The following TOX variants were observed in gnomAD, a reference collection of about 807,000 sequenced individuals.
The protein encoded by TOX is thymocyte selection associated high mobility group box, also known as thymocyte selection-associated high mobility group box protein TOX.
TOX carries 11 observed loss-of-function variants against 53.7 expected under a neutral mutation model. The observed-to-expected ratio is 0.20, with a 90% confidence interval of 0.13 to 0.34. TOX has a LOEUF of 0.34. TOX is among the 10% of genes least tolerant of loss of function. The probability of loss-of-function intolerance (pLI) is 1.00; values close to 1 mark genes in which losing one functional copy is unlikely to be tolerated. For synonymous variants in TOX, 225 were observed against 245.3 expected, an observed-to-expected ratio of 0.92 and a Z score of 0.77; for missense variants, 570 against 664.6, an observed-to-expected ratio of 0.86 and a Z score of 1.56.
intron 1 of TOX, among the ~76,000 whole-genome samples, chr8:59,116,402 A>C (rs1805099112): frequency 1.3e-5 from 2 of 152,184 alleles, no homozygotes; most frequent in Admixed American, 1.3e-4. Flanking sequence ...CCTTTTCCAA[A>C]CTTCTGTCCT....
At chr8:58,891,585 C>T (rs1247657591) in intron 3 of TOX, among the ~76,000 whole-genome samples, 2 of 152,076 alleles carry the variant, frequency 1.3e-5, no homozygotes, top group East Asian at 3.9e-4. Flanking sequence ...ACCCGACTGC[C>T]TATGTAGGTA....
chr8:59,053,542 G>C (rs1563431197), intron 1 of TOX, among the ~76,000 whole-genome samples: 1 of 152,136 alleles, frequency 6.6e-6, no homozygotes, highest in South Asian at 2.1e-4. Context: ...CAGAAACGTA[G>C]TCTTTATAAC....
chr8:58,988,435 T>C (rs781297004), intron 1 of TOX, among the ~76,000 whole-genome samples: 2 of 152,156 alleles, frequency 1.3e-5, no homozygotes, highest in Non-Finnish European at 1.5e-5. Context: ...ACATCAACTA[T>C]CTGGCCTGCA....
chr8:58,897,797 T>A (rs895551547), intron 3 of TOX, among the ~76,000 whole-genome samples: 1 of 152,080 alleles, frequency 6.6e-6, no homozygotes, highest in South Asian at 2.1e-4. Flanking sequence ...CTGTTTGCCC[T>A]CTTACCTTGG....
At chr8:58,996,759 T>C (rs1300994054) in intron 1 of TOX, among the ~76,000 whole-genome samples, 13 of 152,200 alleles carry the variant, frequency 8.5e-5, no homozygotes. Context: ...AAACTATTCT[T>C]CATTTAATTA....
At chr8:58,833,991 A>G (rs561014464) in intron 5 of TOX, among the ~76,000 whole-genome samples, 1 of 152,228 alleles carries the variant, frequency 6.6e-6, no homozygotes, top group East Asian at 1.9e-4. Flanking sequence ...CTCACTCACC[A>G]TGGATTCTGA....
intron 3 of TOX, among the ~76,000 whole-genome samples, chr8:58,864,981 A>G (rs1811072049): frequency 6.6e-6 from 1 of 152,056 alleles, no homozygotes; most frequent in East Asian, 1.9e-4. Flanking sequence ...GAGAGCTGGT[A>G]TCAGAAACTT....
intron 1 of TOX, among the ~76,000 whole-genome samples, chr8:59,091,861 T>C (rs1007892408): frequency 6.6e-6 from 1 of 152,188 alleles, no homozygotes. Context: ...TTCATCTAGA[T>C]CAATGGTTTT....
At chr8:59,098,640 A>G (rs1339284702) in intron 1 of TOX, among the ~76,000 whole-genome samples, 2 of 152,146 alleles carry the variant, frequency 1.3e-5, no homozygotes, top group Non-Finnish European at 2.9e-5. Context: ...CCTAATAATG[A>G]TGATAAATCT....
intron 1 of TOX, among the ~76,000 whole-genome samples, chr8:59,101,712 A>T (rs1804809413): frequency 6.6e-6 from 1 of 152,242 alleles, no homozygotes; most frequent in Non-Finnish European, 1.5e-5. Context: ...TCCATTATTT[A>T]CACATGTCCA....
At chr8:59,025,867 A>G (rs112319080) in intron 1 of TOX, among the ~76,000 whole-genome samples, 1,653 of 152,296 alleles carry the variant, frequency 0.011, 38 homozygotes, top group African/African-American at 0.038. Context: ...ATCAAGGACC[A>G]GGACCTTGCC....
At chr8:58,979,133 G>C (rs1357372753) in intron 1 of TOX, among the ~76,000 whole-genome samples, 1 of 152,158 alleles carries the variant, frequency 6.6e-6, no homozygotes, top group Non-Finnish European at 1.5e-5. Context: ...ATATCTGTAA[G>C]TAGATACAGG....
intron 1 of TOX, among the ~76,000 whole-genome samples, chr8:59,081,081 C>T (rs1804397728): frequency 6.6e-6 from 1 of 152,116 alleles, no homozygotes; most frequent in Non-Finnish European, 1.5e-5. Flanking sequence ...GGCTGGAGTG[C>T]AGTGGTGCTA....
intron 3 of TOX, among the ~76,000 whole-genome samples, chr8:58,890,211 G>T (rs1022831794): frequency 6.6e-6 from 1 of 152,120 alleles, no homozygotes; most frequent in Non-Finnish European, 1.5e-5. Context: ...TACACTGGGA[G>T]AAATTCAAAG....
At chr8:58,961,590 C>T (rs1352362131) in intron 1 of TOX, among the ~76,000 whole-genome samples, 2 of 151,488 alleles carry the variant, frequency 1.3e-5, no homozygotes, top group African/African-American at 2.4e-5. Context: ...TGAAATGGCG[C>T]GATCGCAGCT....
intron 1 of TOX, among the ~76,000 whole-genome samples, chr8:59,112,804 C>T (rs1805039217): frequency 6.6e-6 from 1 of 152,154 alleles, no homozygotes; most frequent in African/African-American, 2.4e-5. Context: ...GTGCTACAAT[C>T]TTGTTTTCTG....
chr8:58,975,273 G>C (rs1323842971), intron 1 of TOX, among the ~76,000 whole-genome samples: 10 of 122,898 alleles, frequency 8.1e-5, no homozygotes, highest in East Asian at 7.9e-4. Flanking sequence ...CCCCCACACA[G>C]AGAGAGAGAG....
intron 3 of TOX, among the ~76,000 whole-genome samples, chr8:58,910,232 C>A (rs746353364): frequency 3.3e-5 from 5 of 152,160 alleles, no homozygotes; most frequent in Non-Finnish European, 4.4e-5. Flanking sequence ...CAAGCCTACA[C>A]AAATATTATT....
rs758781316 is a variant in TOX, at chr8:58,838,192, G to A, written c.813C>T (p.Phe271=). The A allele has an allele frequency of 1.7e-5, 28 of 1,614,078 alleles. No homozygotes were observed. Among genetic ancestry groups the A allele is most frequent in the Non-Finnish European group, 2.3e-5 (27 of 1,180,020 alleles). The part of the protein sequence containing the change: ...PQKPVSAYAL[F]FRDTQAAIKG... ...TGATGGCGGCCTGAGTATCACGAAA[G>A]AATAACGCATAGGCAGACACAGGCT... is the stretch of plus-strand genomic sequence containing the variant. Residue 271 remains phenylalanine (F), a synonymous_variant, in exon 5 of 9, where the codon TTC becomes TTT. Coordinates refer to ENST00000361421, the MANE Select transcript of TOX (RefSeq NM_014729.3).
Sources: allele counts gnomAD v4.1 joint callset (sites outside exome capture counted in the v4.1 genomes callset), GRCh38; gene constraint gnomAD v4.1.1; transcripts MANE v1.5; gene names NCBI Gene and HGNC (gene_info 2026-07-23, HGNC 2026-07-21).